Variants in PTPRN2 observed in about 807,000 individuals in gnomAD.
The protein encoded by PTPRN2 is protein tyrosine phosphatase receptor type N2, also known as receptor-type tyrosine-protein phosphatase N2.
In PTPRN2, 74 loss-of-function variants were observed where a neutral mutation model predicts 118.8. The ratio of observed to expected loss-of-function variants is 0.62; its 90% CI spans 0.52 to 0.76. PTPRN2 has a LOEUF of 0.76. PTPRN2 is among the 30% of genes least tolerant of loss of function. The pLI is 0.00. For missense variants in PTPRN2, 1,481 were observed against 1,394.4 expected, an observed-to-expected ratio of 1.06 and a Z score of -0.99; for synonymous variants, 641 against 608.0, an observed-to-expected ratio of 1.05 and a Z score of -0.80.
At position 158,544,573 on chromosome 7, in the gene PTPRN2, G is replaced by C. The variant is rs1402515772; in HGVS notation, c.112+42985C>G. ...GAATCACTTGAACCTGGGACGTGGA[G>C]GTTGCAGTGAGCCAAGATCGCACCA... On this transcript the variant is annotated intron_variant, in intron 1 of 22. Transcript: ENST00000389418. The surrounding 1 kb of genome is among the most constrained non-coding windows in gnomAD (Gnocchi z 4.2). 1.3e-5 allele frequency among the ~76,000 whole-genome samples: 2 copies of C among 152,044 alleles called. No individual in the cohort carries two copies. Among genetic ancestry groups the C allele is most frequent in the Non-Finnish European group, 2.9e-5 (2 of 68,034 alleles).
Position 157,764,794 on chromosome 7 carries a change from G to A in PTPRN2, c.1789-81857C>T, listed in dbSNP as rs1263361067. 4.6e-5 allele frequency among the ~76,000 whole-genome samples: 7 copies of A among 152,172 alleles called. No homozygotes were observed. Among genetic ancestry groups the A allele is most frequent in the African/African-American group, 1.4e-4 (6 of 41,418 alleles). On this transcript the variant is annotated intron_variant, in intron 12 of 22. Coordinates refer to ENST00000389418, the MANE Select transcript of PTPRN2 (RefSeq NM_002847.5). The surrounding 1 kb of genome is among the most constrained non-coding windows in gnomAD (Gnocchi z 4.5). ...CGTGCCTGGCATACAGCAGGGGACA[G>A]GAGCCGATTGTCTGTCCTACAGCTG...
rs146166774 is a variant in PTPRN2, at chr7:158,051,123, G to C, written c.1723+30175C>G. ...AGTGCCCATGGGGGGCATCTGCAGG[G>C]GGCATCTGTTGGGGGTCTGGAGGGC... On this transcript the variant is annotated intron_variant, in intron 11 of 22. Coordinates refer to ENST00000389418, the MANE Select transcript of PTPRN2 (RefSeq NM_002847.5). Among the ~76,000 whole-genome samples the C allele has an allele frequency of 6.5e-3, 991 of 152,344 alleles. 9 individuals are homozygous for C. Among genetic ancestry groups the C allele is most frequent in the Middle Eastern group, 0.041 (12 of 294 alleles).
At chr7:157,670,286 G>A (rs920820684) in intron 13 of PTPRN2, among the ~76,000 whole-genome samples, 3 of 152,174 alleles carry the variant, frequency 2.0e-5, no homozygotes, top group African/African-American at 4.8e-5. Context: ...GAGAGTGACC[G>A]ACGTGCTGAA....
intron 12 of PTPRN2, among the ~76,000 whole-genome samples, chr7:157,873,116 T>C (rs1295832715): frequency 6.6e-6 from 1 of 152,250 alleles, no homozygotes; most frequent in African/African-American, 2.4e-5. Flanking sequence ...GCTTCCATTT[T>C]GCACTGAGAC....
intron 6 of PTPRN2, among the ~76,000 whole-genome samples, chr7:158,160,033 G>A: frequency 6.6e-6 from 1 of 152,180 alleles, no homozygotes; most frequent in Admixed American, 6.5e-5. Context: ...CATAACCACA[G>A]GAGAGTTGCA....
At chr7:157,907,352 C>T (rs1471648450) in intron 11 of PTPRN2, among the ~76,000 whole-genome samples, 1 of 151,312 alleles carries the variant, frequency 6.6e-6, no homozygotes, top group Non-Finnish European at 1.5e-5. Context: ...GTGGTGTCTC[C>T]CTGTCCCCTG....
In PTPRN2 at chr7:157,784,561, C is replaced by T. The variant is rs1803898203; in HGVS notation, c.1789-101624G>A. On this transcript the variant is annotated intron_variant, in intron 12 of 22. Transcript: ENST00000389418. The surrounding 1 kb of genome is among the most constrained non-coding windows in gnomAD (Gnocchi z 4.6). ...CCCTATCCCGCTCGGCCTGACCCTC[C>T]TCTCCACAAAGGGCTTGAAGAGCAA... Among the ~76,000 whole-genome samples, 2 of 152,190 alleles carry T rather than the reference C, an allele frequency of 1.3e-5. No individual in the cohort carries two copies. Among genetic ancestry groups the T allele is most frequent in the Admixed American group, 1.3e-4 (2 of 15,284 alleles).
At chr7:157,688,363 C>G (rs1270089861) in intron 12 of PTPRN2, among the ~76,000 whole-genome samples, 1 of 152,172 alleles carries the variant, frequency 6.6e-6, no homozygotes, top group Non-Finnish European at 1.5e-5. Flanking sequence ...GGGGAAGCAC[C>G]CTTGTGCAAA....
rs1440674239 is a variant in PTPRN2, at chr7:157,982,039, CA to C, written c.1724-83303del. The stretch of plus-strand genomic sequence containing the variant: ...GAATGCAGAGTGTGGGGTTCCCCCC[CA>C]AACCCCAAATCATAGAGATGAGGAG... On this transcript the variant is annotated intron_variant, in intron 11 of 22. Transcript: ENST00000389418. Among the ~76,000 whole-genome samples the C allele has an allele frequency of 5.1e-4, 74 of 145,430 alleles. 2 individuals are homozygous for C. In the Middle Eastern group the frequency reaches 0.012, roughly 24 times the overall value.
At chr7:158,274,318 GCCACA>G (rs1398890459) in intron 3 of PTPRN2, among the ~76,000 whole-genome samples, 23 of 122,846 alleles carry the variant, frequency 1.9e-4, no homozygotes, top group African/African-American at 7.7e-4. Flanking sequence ...AGGAGCCGCA[GCCACA>G]GGGGGAGCCG....
At chr7:157,712,584 C>T (rs1375227429) in intron 12 of PTPRN2, among the ~76,000 whole-genome samples, 2 of 151,948 alleles carry the variant, frequency 1.3e-5, no homozygotes, top group African/African-American at 4.8e-5. Context: ...AACCCCGTCT[C>T]TACTTAAAAT....
At chr7:157,872,120 C>A (rs558980287) in intron 12 of PTPRN2, among the ~76,000 whole-genome samples, 1 of 138,190 alleles carries the variant, frequency 7.2e-6, no homozygotes, top group East Asian at 2.3e-4. Context: ...CGCCTCCCCA[C>A]ACACACCCAG....
At position 157,827,385 on chromosome 7, in the gene PTPRN2, C is replaced by CAA. The variant is rs374512599; in HGVS notation, c.1788+71286_1788+71287dup. Reference sequence around the variant, plus strand: ...GACCACAACACAACACAACACAACACAACACAACACAACACAACACAACAC... The same window carrying CAA: ...GACCACAACACAACACAACACAACACAAAACACAACACAACACAACACAACAC... On this transcript the variant is annotated intron_variant, in intron 12 of 22. Coordinates refer to ENST00000389418, the MANE Select transcript of PTPRN2 (RefSeq NM_002847.5). Among the ~76,000 whole-genome samples the CAA allele has an allele frequency of 7.0e-4, 107 of 151,832 alleles. 1 individual carries two copies. The highest frequency in any genetic ancestry group is 2.6e-3 in the African/African-American group (106 of 41,454).
Position 157,568,912 on chromosome 7 carries a change from C to A in PTPRN2, c.2892G>T (p.Lys964Asn), listed in dbSNP as rs1799621558. 1 of 1,566,322 alleles carries A rather than the reference C, an allele frequency of 6.4e-7. No homozygotes were observed. The highest frequency in any genetic ancestry group is 1.4e-5 in the African/African-American group (1 of 73,954). Residue 964 changes from lysine to asparagine, a missense_variant, in exon 21 of 23, where the codon AAG becomes AAT. Lys to Asn is a moderately conservative substitution (Grantham distance 94, BLOSUM62 0). Coordinates refer to ENST00000389418, the MANE Select transcript of PTPRN2 (RefSeq NM_002847.5). ...TYVLIDMVLN[K>N]MAKGAKEIDI... is the part of the protein sequence containing the mutation. ...GTGTCTGTGTCTCACCTTTGGCCAT[C>A]TTGTTGAGAACCATGTCGATCAGGA...
chr7:158,231,523 G>T (rs1358461198), intron 3 of PTPRN2, among the ~76,000 whole-genome samples: 1 of 152,078 alleles, frequency 6.6e-6, no homozygotes, highest in Non-Finnish European at 1.5e-5. Flanking sequence ...TACAATAATG[G>T]CAGGGCACTT....
chr7:157,931,252 C>T (rs937013415), intron 11 of PTPRN2, among the ~76,000 whole-genome samples: 2 of 151,766 alleles, frequency 1.3e-5, no homozygotes, highest in Non-Finnish European at 2.9e-5. Context: ...TTCATAAGCA[C>T]ATTTGCTGCC....
intron 12 of PTPRN2, among the ~76,000 whole-genome samples, chr7:157,879,121 C>T (rs1462163141): frequency 7.0e-5 from 10 of 143,350 alleles, no homozygotes; most frequent in East Asian, 6.3e-4. Flanking sequence ...ACTTACTCAC[C>T]GAGGAGCTCT....
chr7:158,330,719 C>A lies in PTPRN2; in HGVS notation c.164-13787G>T, dbSNP rs548989557. Among the ~76,000 whole-genome samples, 326 of 102,062 alleles carry A rather than the reference C, an allele frequency of 3.2e-3. 33 individuals carry two copies. The highest frequency in any genetic ancestry group is 9.5e-3 in the African/African-American group (313 of 32,904). 67.0% of individuals were successfully genotyped at this position (102,062 alleles called of 152,430 possible). On this transcript the variant is annotated intron_variant, in intron 2 of 22. Coordinates refer to ENST00000389418, the MANE Select transcript of PTPRN2 (RefSeq NM_002847.5). The stretch of plus-strand genomic sequence containing the variant: ...CACATCCATACTCTCACCATAAGAG[C>A]CGACACGTGCAGACGTCACTCACAC...
chr7:157,836,330 T>A (rs1461619279), intron 12 of PTPRN2, among the ~76,000 whole-genome samples: 1 of 152,166 alleles, frequency 6.6e-6, no homozygotes, highest in East Asian at 1.9e-4. Flanking sequence ...ATAAGAGGAA[T>A]TGAGGTATTT....
Sources: allele counts gnomAD v4.1 joint callset (sites outside exome capture counted in the v4.1 genomes callset), GRCh38; gene constraint gnomAD v4.1.1; non-coding constraint Gnocchi (gnomAD v3.1); transcripts MANE v1.5; gene names NCBI Gene and HGNC (gene_info 2026-07-23, HGNC 2026-07-21).